Variants in ANK2 observed in about 807,000 individuals in gnomAD.
The protein encoded by ANK2 is ankyrin-2.
A neutral mutation model predicts 360.5 loss-of-function variants in ANK2; 83 were observed. The ratio of observed to expected loss-of-function variants is 0.23; its 90% confidence interval spans 0.19 to 0.28. ANK2 has a LOEUF of 0.28. Ranked by LOEUF, ANK2 falls within the 10% of genes least tolerant of loss-of-function variation. The pLI, the probability that ANK2 is intolerant of heterozygous loss-of-function variation, is 1.00. For missense variants in ANK2, 4,201 were observed against 4,795.7 expected (o/e 0.88, Z 3.66); for synonymous variants, 1,740 against 1,759.5 (o/e 0.99, Z 0.28).
intron 1 of ANK2, among the ~76,000 whole-genome samples, chr4:113,083,644 A>G (rs935610615): frequency 1.6e-4 from 24 of 152,202 alleles, no homozygotes; most frequent in South Asian, 4.1e-4. Flanking sequence ...CTCTGAGCCA[A>G]TCAAAATCAT....
rs2154022609 is a variant in ANK2, at chr4:113,355,126, C to G, written c.6508C>G (p.Leu2170Val). Residue 2170 changes from leucine (L) to valine (V), a missense_variant, in exon 38 of 46, where the codon CTC (leucine) becomes GTC (valine). By Grantham distance (32) the Leu-to-Val change is conservative. Transcript: ENST00000357077. ...EKAQLHLDQV[L>V]TSPFNTTFPL... ...GGCACAGCTTCACTTAGACCAAGTA[C>G]TCACTAGTCCTTTCAACACAACATT... 2 of 1,614,096 alleles carry G rather than the reference C, an allele frequency of 1.2e-6. No homozygotes were observed. The highest frequency in any genetic ancestry group is 2.2e-5 in the South Asian group (2 of 91,082).
rs2154066919 is a variant in ANK2, at chr4:113,369,716, C to T, written c.11521C>T (p.Pro3841Ser). 3 of 1,614,130 alleles carry T rather than the reference C, an allele frequency of 1.9e-6. No homozygotes were observed. Among genetic ancestry groups the T allele is most frequent in the Non-Finnish European group, 2.5e-6 (3 of 1,180,004 alleles). ...EPSEHREESS[P>S]RKTSLVIVES... ...CTCAGAGCACAGAGAGGAGAGCTCT[C>T]CGCGGAAAACCAGCCTCGTAATAGT... Residue 3841 changes from proline to serine, a missense_variant, in exon 43 of 46, where the codon CCG becomes TCG. Transcript: ENST00000357077.
the ANK2 span, among the ~76,000 whole-genome samples, chr4:112,791,476 C>CTT: frequency 5.1e-5 from 5 of 98,268 alleles, no homozygotes; most frequent in African/African-American, 9.5e-5. Context: ...TCTTCTTCTT[C>CTT]TTCTTTTTTT....
intron 2 of ANK2, among the ~76,000 whole-genome samples, chr4:112,963,379 C>T (rs1046859985): frequency 4.6e-5 from 7 of 152,116 alleles, no homozygotes; most frequent in Admixed American, 2.0e-4. Context: ...TGCCTACCAA[C>T]CTCTAATAGT....
At chr4:112,735,612 C>T in the ANK2 span, among the ~76,000 whole-genome samples, 1 of 152,190 alleles carries the variant, frequency 6.6e-6, no homozygotes, top group Non-Finnish European at 1.5e-5. Context: ...GTGAATCTCT[C>T]ATTTCCCCAA....
At chr4:112,946,278 G>A (rs116413357) in intron 2 of ANK2, among the ~76,000 whole-genome samples, 138 of 152,272 alleles carry the variant, frequency 9.1e-4, no homozygotes, top group African/African-American at 3.2e-3. Context: ...GCCTGCCTGT[G>A]GTGGGGTGGA....
intron 18 of ANK2, among the ~76,000 whole-genome samples, chr4:113,285,273 C>A (rs114175693): frequency 6.1e-4 from 93 of 152,148 alleles, no homozygotes; most frequent in African/African-American, 2.0e-3. Context: ...CCAAGCAGCA[C>A]ACACCAGCTG....
At chr4:112,943,848 T>G (rs1377626292) in intron 2 of ANK2, among the ~76,000 whole-genome samples, 1 of 152,116 alleles carries the variant, frequency 6.6e-6, no homozygotes, top group Non-Finnish European at 1.5e-5. Context: ...AGAATATAAT[T>G]TAGTTTATCT....
intron 4 of ANK2, among the ~76,000 whole-genome samples, chr4:113,207,772 G>T (rs955518997): frequency 1.3e-5 from 2 of 151,394 alleles, no homozygotes; most frequent in South Asian, 4.2e-4. Flanking sequence ...AATAATTCAC[G>T]CACTCACTCA....
Position 113,354,225 on chromosome 4 carries a change from G to T in ANK2, c.5607G>T (p.Ala1869=), listed in dbSNP as rs760246803. Residue 1869 remains alanine, a synonymous_variant, in exon 38 of 46, where the codon GCG becomes GCT. Transcript: ENST00000357077. The stretch of plus-strand genomic sequence containing the variant: ...CAAAAACGGAAAGACATTCACCTGC[G>T]TCATCATCGAGTAAAACTGAGAAAC... ...PSAKTERHSP[A]SSSSKTEKHS... 3 of 1,613,738 alleles carry T rather than the reference G, an allele frequency of 1.9e-6. No homozygotes were observed. Among genetic ancestry groups the T allele is most frequent in the Non-Finnish European group, 2.5e-6 (3 of 1,179,882 alleles).
intron 2 of ANK2, among the ~76,000 whole-genome samples, chr4:112,996,866 C>T (rs1004782394): frequency 1.3e-5 from 2 of 152,010 alleles, no homozygotes; most frequent in Admixed American, 6.6e-5. Flanking sequence ...TTTTTGTACG[C>T]ATTAACTGTC....
In ANK2 at chr4:113,145,574, C is replaced by T. The variant is rs555104439; in HGVS notation, c.85-28842C>T. 21 of 1,026,754 alleles carry T rather than the reference C, an allele frequency of 2.0e-5. No homozygotes were observed. In the South Asian group the frequency reaches 7.3e-4, roughly 36 times the overall value. 63.6% of individuals were successfully genotyped at this position (1,026,754 alleles called of 1,614,324 possible). On this transcript the variant is annotated intron_variant, in intron 1 of 45. Transcript: ENST00000357077. ...CCCTGCTCTCTGTCTGCCTCACCCC[C>T]CTCACTCCATTGACATGCATAGCTG... is the stretch of plus-strand genomic sequence containing the variant.
intron 2 of ANK2, among the ~76,000 whole-genome samples, chr4:113,017,141 CTT>C (rs2154295460): frequency 6.6e-6 from 1 of 152,210 alleles, no homozygotes; most frequent in African/African-American, 2.4e-5. Flanking sequence ...TCTTTGACCT[CTT>C]ATATATGTTG....
At chr4:113,211,733 A>G (rs1463584806) in intron 4 of ANK2, among the ~76,000 whole-genome samples, 1 of 152,192 alleles carries the variant, frequency 6.6e-6, no homozygotes, top group Non-Finnish European at 1.5e-5. Flanking sequence ...CACAGGGTCA[A>G]GTGTCTCATC....
chr4:113,108,340 T>C (rs535710048), intron 1 of ANK2, among the ~76,000 whole-genome samples: 2 of 152,334 alleles, frequency 1.3e-5, no homozygotes, highest in East Asian at 3.9e-4. Context: ...TTCCTTTTTA[T>C]TAAGTTCTTA....
the ANK2 span, among the ~76,000 whole-genome samples, chr4:112,770,489 T>C: frequency 3.3e-5 from 5 of 152,200 alleles, no homozygotes; most frequent in African/African-American, 9.6e-5. Flanking sequence ...GTGGATCACC[T>C]GATGTCAGGA....
chr4:112,739,091 C>T, the ANK2 span: 1 of 515,168 alleles, frequency 1.9e-6, no homozygotes, highest in Non-Finnish European at 3.7e-6. Flanking sequence ...GGCTGTGCAG[C>T]AAAGAAAATG....
chr4:113,193,894 A>G (rs965808135), intron 2 of ANK2, among the ~76,000 whole-genome samples: 6 of 152,230 alleles, frequency 3.9e-5, no homozygotes, highest in African/African-American at 1.4e-4. Context: ...TAAAGATGTT[A>G]TATAAGTTAG....
intron 1 of ANK2, among the ~76,000 whole-genome samples, chr4:113,139,608 G>A (rs1386858075): frequency 6.7e-6 from 1 of 148,710 alleles, no homozygotes; most frequent in Non-Finnish European, 1.5e-5. Flanking sequence ...AATCCAGTCC[G>A]ATGTGATAGA....
Sources: gnomAD v4.1 joint callset for allele counts (sites outside exome capture counted in the v4.1 genomes callset) on GRCh38, gnomAD v4.1.1 for gene constraint, MANE v1.5 for transcripts, NCBI Gene and HGNC (gene_info 2026-07-23, HGNC 2026-07-21) for gene names.